Variants in NUP153 observed in about 807,000 individuals in gnomAD.
The protein encoded by NUP153 is nucleoporin 153, also known as nuclear pore complex protein Nup153.
NUP153 carries 27 observed loss-of-function variants against 134.6 expected under a neutral mutation model. The ratio of observed to expected loss-of-function variants is 0.20; its 90% CI spans 0.15 to 0.28. The LOEUF is 0.28. Ranked by LOEUF, NUP153 falls within the 10% of genes least tolerant of loss-of-function variation. The probability of loss-of-function intolerance (pLI) is 1.00; values close to 1 mark genes in which losing one functional copy is unlikely to be tolerated. For synonymous variants in NUP153, 640 were observed against 623.5 expected, an observed-to-expected ratio of 1.03 and a Z score of -0.40; for missense variants, 1,821 against 1,731.3, an observed-to-expected ratio of 1.05 and a Z score of -0.92.
In NUP153 at chr6:17,675,137, CA is replaced by C; in HGVS notation, c.723+91del. 1.3e-6 allele frequency: 2 copies of C among 1,502,278 alleles called. No individual in the cohort carries two copies. Among genetic ancestry groups the C allele is most frequent in the Non-Finnish European group, 1.8e-6 (2 of 1,105,624 alleles). The allele number at this position is 1,502,278 out of a possible 1,614,324, so 93.1% of individuals were successfully genotyped here. On this transcript the variant is annotated intron_variant, in intron 4 of 21. Transcript: ENST00000262077. This position sits in a 1 kb window ranked among gnomAD's most constrained non-coding sequence, Gnocchi z 4.4. The stretch of plus-strand genomic sequence containing the variant: ...CTACACACTCAAGCCTGGGCAACAG[CA>C]AAAGACTCTTGTCTCAGAAAAAAAA...
intron 2 of NUP153, among the ~76,000 whole-genome samples, chr6:17,676,612 C>T (rs567686113): frequency 9.2e-5 from 14 of 152,186 alleles, no homozygotes; most frequent in Admixed American, 9.2e-4. Context: ...TGGGACCAGA[C>T]CAGTCCTTCT....
At chr6:17,648,530 C>T (rs921718227) in intron 12 of NUP153, among the ~76,000 whole-genome samples, 13 of 152,098 alleles carry the variant, frequency 8.5e-5, no homozygotes, top group African/African-American at 2.4e-4. Context: ...GGCAGGATAA[C>T]CACTTGAACC....
At chr6:17,618,009 T>A (rs1425489028) in intron 20 of NUP153, among the ~76,000 whole-genome samples, 1 of 152,028 alleles carries the variant, frequency 6.6e-6, no homozygotes, top group Non-Finnish European at 1.5e-5. Context: ...TAAGTGTAGC[T>A]CGATATTCAC....
intron 9 of NUP153, among the ~76,000 whole-genome samples, chr6:17,664,286 AC>A (rs1341426650): frequency 6.6e-6 from 1 of 152,200 alleles, no homozygotes; most frequent in Non-Finnish European, 1.5e-5. Context: ...TAACAGTTGA[AC>A]AACTCACAGA....
chr6:17,616,450 A>G, intron 21 of NUP153, 77 bp downstream of exon 21: 1 of 1,286,852 alleles, frequency 7.8e-7, no homozygotes, highest in Middle Eastern at 1.9e-4. Flanking sequence ...AATCTTGATG[A>G]CTTTTAAAAA....
intron 18 of NUP153, among the ~76,000 whole-genome samples, chr6:17,626,713 C>G (rs1370079210): frequency 6.8e-4 from 104 of 152,044 alleles, no homozygotes; most frequent in Non-Finnish European, 5.9e-5. Flanking sequence ...AACTTTATAC[C>G]ATGGACTGAT....
chr6:17,640,174 A>C (rs1386382470), intron 14 of NUP153, 110 bp from the exon 15 acceptor site: 1 of 849,850 alleles, frequency 1.2e-6, no homozygotes. Flanking sequence ...CTAAAAGTTC[A>C]TGAAAAAAGT....
At chr6:17,679,854 G>C (rs1352228780) in intron 2 of NUP153, among the ~76,000 whole-genome samples, 1 of 152,028 alleles carries the variant, frequency 6.6e-6, no homozygotes, top group Non-Finnish European at 1.5e-5. Flanking sequence ...ATTGCTCTTA[G>C]GAGATCCAAA....
intron 11 of NUP153, among the ~76,000 whole-genome samples, chr6:17,658,708 T>C (rs558685037): frequency 1.1e-4 from 16 of 152,232 alleles, no homozygotes; most frequent in African/African-American, 3.4e-4. Context: ...TGAGTGAAAA[T>C]TTAAAAAATT....
rs1330589826 is a variant in NUP153, at chr6:17,669,159, A to T, written c.1015-131T>A. ...AGTGGCGCGATCTTGACTCACTGCAACCTCTGCCTCCCAAGTTCAAGTGAT... is the reference window on the plus strand; with the variant it reads ...AGTGGCGCGATCTTGACTCACTGCATCCTCTGCCTCCCAAGTTCAAGTGAT... On this transcript the variant is annotated intron_variant, in intron 7 of 21. Transcript: ENST00000262077. 4 of 1,015,844 alleles carry T rather than the reference A, an allele frequency of 3.9e-6. No individual in the cohort carries two copies. The East Asian group carries it at 9.7e-5, about 25-fold the overall frequency. The allele number at this position is 1,015,844 out of a possible 1,614,324, so 62.9% of individuals were successfully genotyped here.
chr6:17,643,478 C>T (rs1054105266), intron 14 of NUP153, among the ~76,000 whole-genome samples: 3 of 152,090 alleles, frequency 2.0e-5, no homozygotes, highest in African/African-American at 4.8e-5. Context: ...CCACCCCCAA[C>T]CATCCCCACC....
At position 17,706,409 on chromosome 6, in the gene NUP153, C is replaced by A. The variant is rs369623420; in HGVS notation, c.-22G>T. 1 of 1,590,602 alleles carries A rather than the reference C, an allele frequency of 6.3e-7. No homozygotes were observed. The highest frequency in any genetic ancestry group is 8.6e-7 in the Non-Finnish European group (1 of 1,163,692). On this transcript the variant is annotated 5_prime_UTR_variant, in exon 1 of 22. Transcript: ENST00000262077. The surrounding 1 kb of genome is among the most constrained non-coding windows in gnomAD (Gnocchi z 5.9). Reference sequence around the variant, plus strand: ...CCATGGCGGAGCCTCCGCCGCTTCCCGCTCCGGGGCGGGTAAGGGGGCGGG... The same window carrying A: ...CCATGGCGGAGCCTCCGCCGCTTCCAGCTCCGGGGCGGGTAAGGGGGCGGG...
chr6:17,705,252 A>G (rs2150257401), intron 1 of NUP153, among the ~76,000 whole-genome samples: 1 of 152,340 alleles, frequency 6.6e-6, no homozygotes, highest in African/African-American at 2.4e-5. Flanking sequence ...TTCCCACCTC[A>G]GTATCACTGA....
At position 17,698,152 on chromosome 6, in the gene NUP153, G is replaced by A. The variant is rs550504309; in HGVS notation, c.111+8125C>T. 4.6e-5 allele frequency among the ~76,000 whole-genome samples: 7 copies of A among 152,322 alleles called. No individual in the cohort carries two copies. The South Asian group carries it at 1.2e-3, about 27-fold the overall frequency. ...GGAATCTTATTCTCCCAGGGAGCAG[G>A]TTTTTAATTCTTCAGCTAGAAAAGT... On this transcript the variant is annotated intron_variant, in intron 1 of 21. Coordinates refer to ENST00000262077, the MANE Select transcript of NUP153 (RefSeq NM_005124.4).
At chr6:17,704,136 C>G (rs1440383890) in intron 1 of NUP153, among the ~76,000 whole-genome samples, 2 of 152,072 alleles carry the variant, frequency 1.3e-5, no homozygotes, top group African/African-American at 4.8e-5. Flanking sequence ...ACTAAAAATA[C>G]AAAAAATTAG....
At chr6:17,651,629 G>A (rs190807199) in intron 11 of NUP153, among the ~76,000 whole-genome samples, 413 of 152,192 alleles carry the variant, frequency 2.7e-3, no homozygotes, top group African/African-American at 9.6e-3. Flanking sequence ...GCATAAGAAG[G>A]CTTATTCCAG....
intron 1 of NUP153, among the ~76,000 whole-genome samples, chr6:17,704,683 C>T (rs1284844006): frequency 6.6e-6 from 1 of 151,202 alleles, no homozygotes; most frequent in Non-Finnish European, 1.5e-5. Context: ...ATTTTTACTA[C>T]TCAAACATTT....
At position 17,637,738 on chromosome 6, in the gene NUP153, C is replaced by A; in HGVS notation, c.1879G>T (p.Ala627Ser). ...ACTGGGCTTGTTGCGGTGGGCTGAG[C>A]AGCAACAGAATCTATCTTCGGCGAT... ...FASPKIDSVA[A>S]QPTATSPVVY... The change falls in exon 16 of 22, where the codon GCT (alanine) becomes TCT (serine). Residue 627 changes from alanine (A) to serine (S), a missense_variant. By Grantham distance (99) the Ala-to-Ser change is moderately conservative (BLOSUM62 1). Transcript: ENST00000262077. 6.2e-7 allele frequency: 1 copy of A among 1,604,028 alleles called. No individual in the cohort carries two copies. Among genetic ancestry groups the A allele is most frequent in the South Asian group, 1.1e-5 (1 of 91,048 alleles).
intron 20 of NUP153, among the ~76,000 whole-genome samples, chr6:17,620,309 G>A (rs912389566): frequency 6.6e-6 from 1 of 152,038 alleles, no homozygotes; most frequent in Non-Finnish European, 1.5e-5. Flanking sequence ...TAGACCAATG[G>A]AATAGAATAG....
Sources: gnomAD v4.1 joint callset for allele counts (sites outside exome capture counted in the v4.1 genomes callset) on GRCh38, gnomAD v4.1.1 for gene constraint, Gnocchi (gnomAD v3.1) non-coding constraint, MANE v1.5 for transcripts, NCBI Gene and HGNC (gene_info 2026-07-23, HGNC 2026-07-21) for gene names.